The following MCTP1 variants were observed in gnomAD, a reference collection of about 807,000 sequenced individuals.
The protein encoded by MCTP1 is multiple C2 and transmembrane domain-containing protein 1.
Under a neutral mutation model 120.6 loss-of-function variants are expected in MCTP1, and 69 were observed. The ratio of observed to expected loss-of-function variants is 0.57; its 90% CI spans 0.47 to 0.70. MCTP1 has a LOEUF of 0.70. MCTP1 is among the 30% of genes least tolerant of loss of function. The pLI is 0.00. For missense variants in MCTP1, 1,203 were observed against 1,248.8 expected (o/e 0.96, Z 0.55); for synonymous variants, 529 against 493.1 (o/e 1.07, Z -0.96).
intron 12 of MCTP1, among the ~76,000 whole-genome samples, chr5:94,879,548 C>A (rs973351951): frequency 2.6e-5 from 4 of 152,054 alleles, no homozygotes; most frequent in Admixed American, 2.0e-4. Context: ...TATTGAGGAT[C>A]TCAAACAGTT....
chr5:95,017,556 T>TAC (rs1393280896), intron 1 of MCTP1, 72 bp from the exon 2 acceptor site: 1 of 892,502 alleles, frequency 1.1e-6, no homozygotes, highest in East Asian at 2.9e-5. Flanking sequence ...GGGGACCATA[T>TAC]ATAGCTTAAC....
At chr5:95,260,155 T>C (rs1758339208) in intron 1 of MCTP1, among the ~76,000 whole-genome samples, 1 of 152,160 alleles carries the variant, frequency 6.6e-6, no homozygotes, top group African/African-American at 2.4e-5. Flanking sequence ...TTTTCTACAA[T>C]TGAGTATCAA....
At chr5:95,039,968 A>G (rs1019587067) in intron 1 of MCTP1, among the ~76,000 whole-genome samples, 2 of 151,994 alleles carry the variant, frequency 1.3e-5, no homozygotes, top group Non-Finnish European at 2.9e-5. Context: ...TGTCACTGCT[A>G]ATTTTTTAAA....
At chr5:95,019,059 A>G (rs1837684415) in intron 1 of MCTP1, among the ~76,000 whole-genome samples, 1 of 152,096 alleles carries the variant, frequency 6.6e-6, no homozygotes, top group South Asian at 2.1e-4. Flanking sequence ...TTTGTCTATT[A>G]TCAACAATTT....
At chr5:94,929,399 G>A (rs1001613481) in intron 6 of MCTP1, among the ~76,000 whole-genome samples, 4 of 152,032 alleles carry the variant, frequency 2.6e-5, no homozygotes, top group African/African-American at 9.7e-5. Context: ...AATGATCTGT[G>A]TTTTTATGAA....
rs565444767 is a variant in MCTP1 at position 94,732,658 on chromosome 5, G to A, written c.2611-17772C>T. ...TTTGGGAGGTGATTACATCATGAGG[G>A]TGGAACTCTTATGAGTGGGATTAGT... On this transcript the variant is annotated intron_variant, in intron 19 of 22. Coordinates refer to ENST00000515393, the MANE Select transcript of MCTP1 (RefSeq NM_024717.7). Among the ~76,000 whole-genome samples, 7 of 152,230 alleles carry A rather than the reference G, an allele frequency of 4.6e-5. No homozygotes were observed. The East Asian group carries it at 1.4e-3, about 29-fold the overall frequency.
At chr5:94,742,869 T>G (rs1765839876) in intron 19 of MCTP1, among the ~76,000 whole-genome samples, 1 of 152,152 alleles carries the variant, frequency 6.6e-6, no homozygotes, top group Non-Finnish European at 1.5e-5. Context: ...GAAACTGTAT[T>G]GAAAACCTAT....
At chr5:94,951,793 T>C (rs1820655600) in intron 3 of MCTP1, among the ~76,000 whole-genome samples, 2 of 152,200 alleles carry the variant, frequency 1.3e-5, no homozygotes, top group African/African-American at 4.8e-5. Context: ...AGGTCTTCCC[T>C]TTCGTGGGAG....
At chr5:94,979,108 T>A (rs761263655) in intron 2 of MCTP1, 2 of 152,090 alleles carry the variant, frequency 1.3e-5, no homozygotes, top group African/African-American at 4.8e-5. Context: ...AAGGGGCCAG[T>A]TGCCACGGAG....
intron 1 of MCTP1, among the ~76,000 whole-genome samples, chr5:95,083,635 G>A (rs1241660519): frequency 6.6e-6 from 1 of 152,124 alleles, no homozygotes; most frequent in African/African-American, 2.4e-5. Context: ...AAAAGTGGTG[G>A]TCTAAAACTT....
chr5:95,018,443 C>T (rs1299391474), intron 1 of MCTP1, among the ~76,000 whole-genome samples: 3 of 151,302 alleles, frequency 2.0e-5, no homozygotes, highest in Non-Finnish European at 4.4e-5. Flanking sequence ...AATAAAGCAG[C>T]ATTTAAACAA....
chr5:94,917,984 A>G lies in MCTP1; in HGVS notation c.1273-11T>C, dbSNP rs1810552471. 6.2e-7 allele frequency: 1 copy of G among 1,611,512 alleles called. No homozygotes were observed. The highest frequency in any genetic ancestry group is 2.2e-5 in the East Asian group (1 of 44,860). On this transcript the variant is annotated splice_polypyrimidine_tract_variant and intron_variant, in intron 7 of 22. Coordinates refer to ENST00000515393, the MANE Select transcript of MCTP1 (RefSeq NM_024717.7). ...TGGCCTGCCGCACGTCTGGATGGAA[A>G]TGAATGATCAGAGCTGTACGGGGAA...
In MCTP1 at chr5:94,909,248, A is replaced by C. The variant is rs1206649775; in HGVS notation, c.1652+3T>G. On this transcript the variant is annotated splice_donor_region_variant and intron_variant, in intron 10 of 22. Coordinates refer to ENST00000515393, the MANE Select transcript of MCTP1 (RefSeq NM_024717.7). Reference sequence around the variant, plus strand: ...TGAACCAAAAATTACAAATTGCACAAACCTGCCAATGAAATCATCCCTTTT... The same window carrying C: ...TGAACCAAAAATTACAAATTGCACACACCTGCCAATGAAATCATCCCTTTT... 1 of 1,612,274 alleles carries C rather than the reference A, an allele frequency of 6.2e-7. No homozygotes were observed. The highest frequency in any genetic ancestry group is 1.1e-5 in the South Asian group (1 of 90,674).
At chr5:94,939,359 T>G (rs1816989201) in intron 5 of MCTP1, among the ~76,000 whole-genome samples, 1 of 152,020 alleles carries the variant, frequency 6.6e-6, no homozygotes, top group Non-Finnish European at 1.5e-5. Context: ...TAATCAGAGC[T>G]AGTTAGAGTA....
intron 1 of MCTP1, among the ~76,000 whole-genome samples, chr5:95,198,685 C>T (rs1256692962): frequency 6.6e-6 from 1 of 152,092 alleles, no homozygotes; most frequent in Non-Finnish European, 1.5e-5. Flanking sequence ...CATTTTGATG[C>T]AAATTAATTT....
chr5:94,800,696 T>C lies in MCTP1; in HGVS notation c.2437-1564A>G, dbSNP rs1187463980. ...CATGACATTACTGTACCATCCGTTTTTTCAATGTGACATTAAATTTTGAAA... is the reference window on the plus strand; with the variant it reads ...CATGACATTACTGTACCATCCGTTTCTTCAATGTGACATTAAATTTTGAAA... On this transcript the variant is annotated intron_variant, in intron 17 of 22. Transcript: ENST00000515393. 3.9e-5 allele frequency among the ~76,000 whole-genome samples: 6 copies of C among 152,194 alleles called. No homozygotes were observed. The East Asian group carries it at 9.6e-4, about 24-fold the overall frequency.
intron 9 of MCTP1, among the ~76,000 whole-genome samples, chr5:94,910,029 CAA>C (rs1808027147): frequency 6.6e-6 from 1 of 151,950 alleles, no homozygotes; most frequent in Non-Finnish European, 1.5e-5. Context: ...GACACTAACT[CAA>C]AGTCTTTGAT....
At chr5:95,169,611 T>A (rs1166081095) in intron 1 of MCTP1, among the ~76,000 whole-genome samples, 1 of 152,216 alleles carries the variant, frequency 6.6e-6, no homozygotes, top group Non-Finnish European at 1.5e-5. Context: ...AACTTCTTCC[T>A]GGTTTAGTCT....
chr5:94,837,323 G>A (rs1042487460), intron 17 of MCTP1, among the ~76,000 whole-genome samples: 2 of 152,186 alleles, frequency 1.3e-5, no homozygotes, highest in Non-Finnish European at 2.9e-5. Flanking sequence ...TGAAACTGCA[G>A]TGAGCCATGA....
Sources: allele counts gnomAD v4.1 joint callset (sites outside exome capture counted in the v4.1 genomes callset), GRCh38; gene constraint gnomAD v4.1.1; transcripts MANE v1.5; gene names NCBI Gene and HGNC (gene_info 2026-07-23, HGNC 2026-07-21).